The following TASP1 variants were observed in gnomAD, a reference collection of about 807,000 sequenced individuals.
TASP1 encodes taspase 1, also known as threonine aspartase 1.
A neutral mutation model predicts 56.6 loss-of-function variants in TASP1; 16 were observed. That is an observed-to-expected ratio of 0.28 (90% CI 0.19 to 0.43). TASP1 has a LOEUF of 0.43. TASP1 is among the 20% of genes least tolerant of loss of function. TASP1 has a pLI of 1.00. For missense variants in TASP1, 393 were observed against 511.6 expected, an observed-to-expected ratio of 0.77 and a Z score of 2.24; for synonymous variants, 179 against 184.2, an observed-to-expected ratio of 0.97 and a Z score of 0.23.
At chr20:13,270,555 T>A in the TASP1 span, 1 of 1,613,856 alleles carries the variant, frequency 6.2e-7, no homozygotes. Flanking sequence ...CTTTTCTCTC[T>A]CCAAAGAAGC....
the TASP1 span, among the ~76,000 whole-genome samples, chr20:13,268,233 A>T: frequency 2.3e-5 from 3 of 130,726 alleles, no homozygotes; most frequent in Non-Finnish European, 4.8e-5. Flanking sequence ...TCTCTCTTCT[A>T]TTCTTTCTCT....
intron 5 of TASP1, among the ~76,000 whole-genome samples, chr20:13,583,600 CTT>C (rs765722336): frequency 3.3e-5 from 5 of 152,190 alleles, no homozygotes; most frequent in Non-Finnish European, 7.3e-5. Flanking sequence ...CTAAATCTCT[CTT>C]GTGTCTCAGT....
At chr20:13,609,367 A>G (rs929450150) in intron 4 of TASP1, among the ~76,000 whole-genome samples, 1 of 152,184 alleles carries the variant, frequency 6.6e-6, no homozygotes, top group Non-Finnish European at 1.5e-5. Context: ...TCATTCAGTT[A>G]CCATGGAAAA....
intron 4 of TASP1, among the ~76,000 whole-genome samples, chr20:13,592,165 A>C (rs1165203412): frequency 6.6e-6 from 1 of 151,948 alleles, no homozygotes; most frequent in Non-Finnish European, 1.5e-5. Flanking sequence ...TTGGGAGGCC[A>C]AGGCAGGCGT....
the TASP1 span, chr20:13,117,499 G>C: frequency 6.4e-7 from 1 of 1,571,684 alleles, no homozygotes; most frequent in African/African-American, 1.4e-5. Context: ...TTCTCCTTCT[G>C]CCCTAGCATG....
At chr20:13,360,178 A>T in the TASP1 span, among the ~76,000 whole-genome samples, 11 of 151,724 alleles carry the variant, frequency 7.3e-5, no homozygotes, top group African/African-American at 2.4e-4. Context: ...TCTACAACCC[A>T]TTATTCTGTT....
intron 13 of TASP1, among the ~76,000 whole-genome samples, chr20:13,406,077 T>C (rs1008477018): frequency 6.6e-6 from 1 of 152,198 alleles, no homozygotes; most frequent in Non-Finnish European, 1.5e-5. Flanking sequence ...TTGATTATAG[T>C]AGCTTAACAG....
chr20:13,223,596 C>T, the TASP1 span, among the ~76,000 whole-genome samples: 29 of 152,316 alleles, frequency 1.9e-4, no homozygotes, highest in Non-Finnish European at 4.0e-4. Flanking sequence ...GAAAAGTACA[C>T]ACCCCAAAGC....
the TASP1 span, among the ~76,000 whole-genome samples, chr20:13,236,203 G>A: frequency 0.012 from 1,902 of 152,262 alleles, 41 homozygotes; most frequent in African/African-American, 0.043. Context: ...GATTACAGTC[G>A]TGAGCCAATG....
At chr20:13,429,340 T>C (rs1267719476) in intron 12 of TASP1, among the ~76,000 whole-genome samples, 3 of 152,130 alleles carry the variant, frequency 2.0e-5, no homozygotes, top group Non-Finnish European at 4.4e-5. Flanking sequence ...CATATGCAAG[T>C]TATTGCGGGA....
chr20:13,189,542 CAT>C, the TASP1 span, among the ~76,000 whole-genome samples: 2,334 of 152,198 alleles, frequency 0.015, 30 homozygotes, highest in South Asian at 0.029. Flanking sequence ...GGCCAACAAA[CAT>C]ATGAAAAAAC....
the TASP1 span, among the ~76,000 whole-genome samples, chr20:13,303,758 G>A: frequency 6.6e-5 from 10 of 152,196 alleles, no homozygotes; most frequent in South Asian, 2.1e-4. Context: ...GGGATACAGC[G>A]GTGTACAAAT....
At chr20:13,142,420 A>G in the TASP1 span, among the ~76,000 whole-genome samples, 10 of 152,162 alleles carry the variant, frequency 6.6e-5, no homozygotes, top group African/African-American at 1.9e-4. Context: ...ACATTATTCC[A>G]TCTGTAGCAT....
At chr20:13,138,526 T>C in the TASP1 span, among the ~76,000 whole-genome samples, 197 of 152,282 alleles carry the variant, frequency 1.3e-3, 2 homozygotes, top group African/African-American at 4.2e-3. Flanking sequence ...AGTTATTTAA[T>C]TGCACCTTAA....
At chr20:13,626,267 A>G (rs942015542) in intron 2 of TASP1, among the ~76,000 whole-genome samples, 3 of 152,112 alleles carry the variant, frequency 2.0e-5, no homozygotes, top group African/African-American at 7.2e-5. Context: ...TCTCCTAAAA[A>G]TACAAAAAAA....
chr20:13,599,493 C>A (rs190779545), intron 4 of TASP1, among the ~76,000 whole-genome samples: 1 of 152,250 alleles, frequency 6.6e-6, no homozygotes, highest in East Asian at 1.9e-4. Flanking sequence ...CACTTGGACA[C>A]AGGGCGGAGA....
At chr20:13,367,252 G>C in the TASP1 span, among the ~76,000 whole-genome samples, 1 of 152,186 alleles carries the variant, frequency 6.6e-6, no homozygotes, top group East Asian at 1.9e-4. Context: ...TTGGTTCTCT[G>C]CTTTTAACTG....
the TASP1 span, among the ~76,000 whole-genome samples, chr20:13,172,284 G>T: frequency 6.6e-6 from 1 of 151,892 alleles, no homozygotes; most frequent in Non-Finnish European, 1.5e-5. Context: ...ACTTAAAATT[G>T]TTTTCAGCTA....
At chr20:13,541,600 A>G (rs1425126853) in intron 8 of TASP1, among the ~76,000 whole-genome samples, 1 of 152,166 alleles carries the variant, frequency 6.6e-6, no homozygotes, top group African/African-American at 2.4e-5. Flanking sequence ...CATATCATTT[A>G]CATTGCCCAT....
Sources: allele counts gnomAD v4.1 joint callset (sites outside exome capture counted in the v4.1 genomes callset), GRCh38; gene constraint gnomAD v4.1.1; transcripts MANE v1.5; gene names NCBI Gene and HGNC (gene_info 2026-07-23, HGNC 2026-07-21).